Variants in SPEF2 observed in about 807,000 individuals in gnomAD.
SPEF2 encodes the protein sperm flagella and cilia-associated protein 2.
In SPEF2, 187 loss-of-function variants were observed where a neutral mutation model predicts 224.6. That is an observed-to-expected ratio of 0.83 (90% confidence interval 0.74 to 0.94). SPEF2 has a LOEUF of 0.94. Ranked by LOEUF, SPEF2 falls within the 40% of genes least tolerant of loss-of-function variation. The pLI is 0.00. For missense variants in SPEF2, 2,170 were observed against 2,135.6 expected, an observed-to-expected ratio of 1.02 and a Z score of -0.32; for synonymous variants, 715 against 707.3, an observed-to-expected ratio of 1.01 and a Z score of -0.17.
intron 20 of SPEF2, 144 bp from the exon 21 acceptor site, chr5:35,727,531 G>A: frequency 3.3e-6 from 2 of 610,854 alleles, no homozygotes; most frequent in South Asian, 4.9e-5. Context: ...GGAGAATAAG[G>A]ATTTTTTGTA....
intron 10 of SPEF2, among the ~76,000 whole-genome samples, chr5:35,682,887 C>A (rs575772492): frequency 6.6e-6 from 1 of 152,074 alleles, no homozygotes; most frequent in Admixed American, 6.6e-5. Flanking sequence ...CAGGGGTAAT[C>A]GGCAGCATCA....
chr5:35,686,094 A>G (rs1468794269), intron 10 of SPEF2, among the ~76,000 whole-genome samples: 1 of 152,052 alleles, frequency 6.6e-6, no homozygotes, highest in African/African-American at 2.4e-5. Flanking sequence ...CATTAAGATG[A>G]TTAGGGGCAG....
At chr5:35,736,165 C>T (rs1746557784) in intron 21 of SPEF2, among the ~76,000 whole-genome samples, 1 of 152,104 alleles carries the variant, frequency 6.6e-6, no homozygotes, top group African/African-American at 2.4e-5. Flanking sequence ...ATGAGGGTCC[C>T]AAGAGTTGAA....
intron 25 of SPEF2, 54 bp downstream of exon 25, chr5:35,759,773 A>T (rs1412561005): frequency 1.6e-5 from 22 of 1,412,526 alleles, no homozygotes; most frequent in South Asian, 1.4e-4. Flanking sequence ...AAGCTTTGTG[A>T]TTTAAAATTA....
intron 9 of SPEF2, among the ~76,000 whole-genome samples, chr5:35,668,035 G>GA (rs1750753627): frequency 6.6e-6 from 1 of 152,110 alleles, no homozygotes; most frequent in Non-Finnish European, 1.5e-5. Flanking sequence ...AGGATCTGGA[G>GA]AAAACCACTA....
At chr5:35,687,480 T>TG (rs1753804718) in intron 10 of SPEF2, among the ~76,000 whole-genome samples, 2 of 152,158 alleles carry the variant, frequency 1.3e-5, no homozygotes, top group South Asian at 4.1e-4. Context: ...TTTTTTGAGA[T>TG]GGAGTCTAGC....
At chr5:35,720,924 C>T (rs578133370) in intron 20 of SPEF2, among the ~76,000 whole-genome samples, 1 of 150,606 alleles carries the variant, frequency 6.6e-6, no homozygotes, top group Non-Finnish European at 1.5e-5. Flanking sequence ...GTTTAAAGCA[C>T]TTGATATTAT....
chr5:35,791,620 G>A (rs1755970573), intron 30 of SPEF2: 1 of 152,034 alleles, frequency 6.6e-6, no homozygotes, highest in African/African-American at 2.4e-5. Flanking sequence ...TTTAAAAGCA[G>A]ATTCATTTAT....
chr5:35,726,983 C>CG (rs1491522163), intron 20 of SPEF2, among the ~76,000 whole-genome samples: 2 of 63,836 alleles, frequency 3.1e-5, no homozygotes, highest in African/African-American at 1.0e-4. Context: ...TTCCCAAGCA[C>CG]CCCCCCCCTT....
At chr5:35,629,334 T>C (rs1419033904) in intron 2 of SPEF2, among the ~76,000 whole-genome samples, 1 of 151,702 alleles carries the variant, frequency 6.6e-6, no homozygotes, top group East Asian at 1.9e-4. Context: ...TTTTCTATTT[T>C]TTTTAGTAGA....
chr5:35,741,837 T>C (rs1324874302), intron 23 of SPEF2, among the ~76,000 whole-genome samples: 2 of 152,238 alleles, frequency 1.3e-5, no homozygotes, highest in African/African-American at 4.8e-5. Flanking sequence ...GTTTTCTTTT[T>C]CCTACCTATT....
chr5:35,678,619 G>C (rs1374593989), intron 10 of SPEF2: 1 of 152,228 alleles, frequency 6.6e-6, no homozygotes, highest in Non-Finnish European at 1.5e-5. Flanking sequence ...AGGCTTCCAG[G>C]CTCATGCAAC....
rs760901969 is a variant in SPEF2 at position 35,617,911 on chromosome 5, C to T, written c.-87C>T. 9.5e-6 allele frequency: 13 copies of T among 1,369,486 alleles called. No individual in the cohort carries two copies. Among genetic ancestry groups the T allele is most frequent in the Non-Finnish European group, 1.3e-5 (13 of 980,998 alleles). The allele number at this position is 1,369,486 out of a possible 1,614,324, so 84.8% of individuals were successfully genotyped here. A position where few individuals can be genotyped will look rare whatever the true frequency, so the allele number is the denominator to read the frequency against. ...TACGCTTCCATAGCAAAGGGTTGCCCTTGGCTACAGGAGGACGCGGGCTGG... is the reference window on the plus strand; with the variant it reads ...TACGCTTCCATAGCAAAGGGTTGCCTTTGGCTACAGGAGGACGCGGGCTGG... On this transcript the variant is annotated 5_prime_UTR_variant, in exon 1 of 37. Transcript: ENST00000356031.
chr5:35,737,520 A>AT (rs2149683617), intron 21 of SPEF2, among the ~76,000 whole-genome samples: 1 of 152,204 alleles, frequency 6.6e-6, no homozygotes, highest in South Asian at 2.1e-4. Context: ...AGCTTCATCC[A>AT]TATCCCTACA....
chr5:35,777,343 A>T (rs954801335), intron 29 of SPEF2, among the ~76,000 whole-genome samples: 8 of 152,146 alleles, frequency 5.3e-5, no homozygotes, highest in African/African-American at 1.7e-4. Flanking sequence ...AACAGAATAA[A>T]AAATACAAAC....
At chr5:35,689,346 A>C (rs1754111880) in intron 10 of SPEF2, among the ~76,000 whole-genome samples, 1 of 152,146 alleles carries the variant, frequency 6.6e-6, no homozygotes, top group Non-Finnish European at 1.5e-5. Flanking sequence ...TATACCATGC[A>C]ATATACTTCT....
chr5:35,733,737 T>A (rs904102153), intron 21 of SPEF2, among the ~76,000 whole-genome samples: 9 of 152,104 alleles, frequency 5.9e-5, no homozygotes, highest in African/African-American at 2.2e-4. Flanking sequence ...AAGTAACATG[T>A]TGGAATAATT....
At chr5:35,751,072 TATATATACACACACACACACACAC>T (rs1749510079) in intron 23 of SPEF2, among the ~76,000 whole-genome samples, 5 of 53,206 alleles carry the variant, frequency 9.4e-5, no homozygotes, top group Admixed American at 4.7e-4. Flanking sequence ...TATATGTATA[TATATATACACACACACACACACAC>T]ATATATATAT....
Position 35,727,627 on chromosome 5 carries a change from G to C in SPEF2, c.2915-48G>C, listed in dbSNP as rs202082176. 6.1e-5 allele frequency: 91 copies of C among 1,497,346 alleles called. 1 individual carries two copies. The African/African-American group carries it at 1.1e-3, about 18-fold the overall frequency. The allele number at this position is 1,497,346 out of a possible 1,614,324, so 92.8% of individuals were successfully genotyped here. A position where few individuals can be genotyped will look rare whatever the true frequency, so the allele number is the denominator to read the frequency against. On this transcript the variant is annotated intron_variant, in intron 20 of 36. Transcript: ENST00000356031. ...AGATGTATTCATCTACCAGAATTCT[G>C]TCCCATTCATTTACTTGTATTGGAA...
Sources: allele counts gnomAD v4.1 joint callset (sites outside exome capture counted in the v4.1 genomes callset), GRCh38; gene constraint gnomAD v4.1.1; transcripts MANE v1.5; gene names NCBI Gene and HGNC (gene_info 2026-07-23, HGNC 2026-07-21).